MIER3: variants seen among roughly 807,000 people sequenced by gnomAD.
MIER3 encodes MIER family member 3.
Under a neutral mutation model 63.2 loss-of-function variants are expected in MIER3, and 9 were observed. That is an observed-to-expected ratio of 0.14 (90% CI 0.09 to 0.25). The LOEUF (loss-of-function observed/expected upper bound fraction) is 0.25. Ranked by LOEUF, MIER3 falls within the 10% of genes least tolerant of loss-of-function variation. The pLI is 1.00. For synonymous variants in MIER3, 205 were observed against 224.9 expected, an observed-to-expected ratio of 0.91 and a Z score of 0.79; for missense variants, 512 against 666.2, an observed-to-expected ratio of 0.77 and a Z score of 2.55.
At chr5:56,936,503 C>T (rs1341949750) in intron 5 of MIER3, among the ~76,000 whole-genome samples, 2 of 151,912 alleles carry the variant, frequency 1.3e-5, no homozygotes, top group East Asian at 1.9e-4. Context: ...TTATTTTAGT[C>T]CAAACATTTT....
rs754099837 is a variant in MIER3 at position 56,923,274 on chromosome 5, C to T, written c.1507G>A (p.Val503Met). The T allele has an allele frequency of 3.7e-6, 6 of 1,614,144 alleles. No homozygotes were observed. In the South Asian group the frequency reaches 5.5e-5, roughly 15 times the overall value. The change falls in exon 13 of 13, where the codon GTG (valine) becomes ATG (methionine). Residue 503 changes from valine (V) to methionine (M), a missense_variant. Physicochemically the swap from Val to Met is conservative, Grantham distance 21 (BLOSUM62 1). Coordinates refer to ENST00000381199, the MANE Select transcript of MIER3 (RefSeq NM_001297599.2). Reference sequence around the variant, plus strand: ...TGATGTGTGTGATTTTCAAAGTCCACACCCAGGTTATTTACAGAAACTTCA... The same window carrying T: ...TGATGTGTGTGATTTTCAAAGTCCATACCCAGGTTATTTACAGAAACTTCA... ...MNEVSVNNLG[V>M]DFENHTHHIT...
At chr5:56,931,642 G>A (rs2112102646) in intron 8 of MIER3, among the ~76,000 whole-genome samples, 1 of 152,192 alleles carries the variant, frequency 6.6e-6, no homozygotes, top group South Asian at 2.1e-4. Flanking sequence ...GTAGAACCAA[G>A]GATCAGTATT....
chr5:56,940,711 A>T lies in MIER3; in HGVS notation c.181-1694T>A, dbSNP rs576559306. ...ATGGAATCAGCATAAATTGAATTGG[A>T]TGGTCAGAACAGGGTGAAGTTCACC... On this transcript the variant is annotated intron_variant, in intron 3 of 12. Transcript: ENST00000381199. Among the ~76,000 whole-genome samples, 6 of 152,342 alleles carry T rather than the reference A, an allele frequency of 3.9e-5. No homozygotes were observed. The East Asian group carries it at 1.2e-3, about 29-fold the overall frequency.
intron 5 of MIER3, among the ~76,000 whole-genome samples, chr5:56,937,278 T>C (rs763652261): frequency 4.6e-5 from 7 of 152,110 alleles, no homozygotes; most frequent in Admixed American, 2.6e-4. Context: ...GGTTTCACCA[T>C]GTTGGCTAGG....
rs1259617724 is a variant in MIER3 at position 56,928,991 on chromosome 5, T to A, written c.830-130A>T. ...CTCTCACACACACACACTCTCTCTC[T>A]CACACACACACACACTCTCTCTCTC... On this transcript the variant is annotated intron_variant, in intron 9 of 12. Coordinates refer to ENST00000381199, the MANE Select transcript of MIER3 (RefSeq NM_001297599.2). 3.0e-3 allele frequency: 1,357 copies of A among 457,774 alleles called. 32 individuals are homozygous for A. Among genetic ancestry groups the A allele is most frequent in the Admixed American group, 0.028 (830 of 29,126 alleles). 28.4% of individuals were successfully genotyped at this position (457,774 alleles called of 1,614,324 possible). A position where few individuals can be genotyped will look rare whatever the true frequency, so the allele number is the denominator to read the frequency against.
intron 3 of MIER3, among the ~76,000 whole-genome samples, chr5:56,944,681 G>C (rs1348124572): frequency 2.0e-5 from 3 of 152,090 alleles, no homozygotes; most frequent in Non-Finnish European, 4.4e-5. Context: ...CATATAATTT[G>C]TTTAAATGTC....
chr5:56,926,717 T>C (rs563261775), intron 10 of MIER3, among the ~76,000 whole-genome samples: 4 of 152,268 alleles, frequency 2.6e-5, no homozygotes, highest in Non-Finnish European at 5.9e-5. Context: ...CCTTACTCCT[T>C]CGTATTTGGA....
intron 5 of MIER3, among the ~76,000 whole-genome samples, chr5:56,936,415 A>G (rs373128621): frequency 1.3e-5 from 2 of 152,130 alleles, no homozygotes; most frequent in Admixed American, 1.3e-4. Flanking sequence ...GAATGCATGG[A>G]TATTTGAACT....
rs1335837268 is a variant in MIER3, at chr5:56,923,532, C to T, written c.1249G>A (p.Asp417Asn). Residue 417 changes from aspartate to asparagine, a missense_variant, in exon 13 of 13, where the codon GAT becomes AAT. Around this residue, in one of 5 missense-constraint regions of MIER3, gnomAD observed 218 missense variants for 251.2 expected, o/e 0.87. Transcript: ENST00000381199. ...TTGCCCAGTGGAGGAAAGCTATCAT[C>T]CAAACAATTCACATCTGTGGGGTCG... is the stretch of plus-strand genomic sequence containing the variant. ...VCDPTDVNCL[D>N]DSFPPLGNTP... 1.2e-6 allele frequency: 2 copies of T among 1,614,122 alleles called. No homozygotes were observed. Among genetic ancestry groups the T allele is most frequent in the Non-Finnish European group, 1.7e-6 (2 of 1,180,006 alleles).
At chr5:56,927,373 T>TA (rs1750043986) in intron 10 of MIER3, among the ~76,000 whole-genome samples, 1 of 152,146 alleles carries the variant, frequency 6.6e-6, no homozygotes, top group African/African-American at 2.4e-5. Flanking sequence ...ACTTTCTGGT[T>TA]AACTTTGCTG....
At chr5:56,938,850 C>T in intron 4 of MIER3, 33 bp downstream of exon 4, 1 of 1,602,628 alleles carries the variant, frequency 6.2e-7, no homozygotes. Flanking sequence ...TGGTAACAGA[C>T]CCTGAATTTT....
Position 56,923,423 on chromosome 5 carries a change from A to T in MIER3, c.1358T>A (p.Phe453Tyr). The T allele has an allele frequency of 6.2e-7, 1 of 1,614,180 alleles. No homozygotes were observed. ...TLPSNGESDC[F>Y]NLFETGFYHS... ...ATAAAATCCAGTCTCAAATAAATTA[A>T]AACAATCACTTTCCCCATTGCTGGG... The change falls in exon 13 of 13, where the codon TTT becomes TAT. Residue 453 changes from phenylalanine (F) to tyrosine (Y), a missense_variant. Transcript: ENST00000381199.
At position 56,946,964 on chromosome 5, in the gene MIER3, C is replaced by G; in HGVS notation, c.142G>C (p.Gly48Arg). The change falls in exon 3 of 13, where the codon GGT becomes CGT. Residue 48 changes from glycine (G) to arginine (R), a missense_variant. Physicochemically the swap from Gly to Arg is moderately radical, Grantham distance 125. Transcript: ENST00000381199. Reference sequence around the variant, plus strand: ...TCAATTTCTGAACTGAAGTTTTTACCCTCATCCATCATTTCCTCTTCTTCA... The same window carrying G: ...TCAATTTCTGAACTGAAGTTTTTACGCTCATCCATCATTTCCTCTTCTTCA... ...TLEEEEMMDE[G>R]KNFSSEIEDL... 1.2e-6 allele frequency: 2 copies of G among 1,602,070 alleles called. No individual in the cohort carries two copies. Among genetic ancestry groups the G allele is most frequent in the African/African-American group, 1.3e-5 (1 of 74,144 alleles).
At chr5:56,936,046 C>A (rs936788524) in intron 5 of MIER3, among the ~76,000 whole-genome samples, 2 of 151,912 alleles carry the variant, frequency 1.3e-5, no homozygotes, top group Non-Finnish European at 2.9e-5. Context: ...GGCCGACAGG[C>A]TCTACTAAAA....
intron 8 of MIER3, among the ~76,000 whole-genome samples, chr5:56,931,379 T>C (rs1750260774): frequency 6.6e-6 from 1 of 152,144 alleles, no homozygotes. Flanking sequence ...GGTTCAATAT[T>C]AGGAAAACTT....
At chr5:56,941,156 T>A (rs1256895785) in intron 3 of MIER3, 1 of 985,102 alleles carries the variant, frequency 1.0e-6, no homozygotes. Flanking sequence ...TTAGTGGGAG[T>A]AAGTCTCAAA....
At chr5:56,935,572 T>C in intron 6 of MIER3, 72 bp from the exon 7 acceptor site, 1 of 1,502,616 alleles carries the variant, frequency 6.7e-7, no homozygotes, top group Non-Finnish European at 9.1e-7. Flanking sequence ...ATATCATTAA[T>C]CAGTTTCTAC....
chr5:56,932,388 G>A (rs1030774841), intron 8 of MIER3, among the ~76,000 whole-genome samples: 2 of 152,164 alleles, frequency 1.3e-5, no homozygotes, highest in African/African-American at 2.4e-5. Flanking sequence ...AAACATTTGA[G>A]TTTCTAATGT....
chr5:56,947,074 G>A lies in MIER3; in HGVS notation c.35-3C>T, dbSNP rs758684553. 2 of 1,599,082 alleles carry A rather than the reference G, an allele frequency of 1.3e-6. No individual in the cohort carries two copies. The highest frequency in any genetic ancestry group is 1.7e-6 in the Non-Finnish European group (2 of 1,175,478). On this transcript the variant is annotated splice_polypyrimidine_tract_variant and splice_region_variant and intron_variant, in intron 2 of 12. Transcript: ENST00000381199. ...ATCCTCAGAAGACAAAGACCCAACT[G>A]GAATAAAACAAACTGAATCACTTTA...
Sources: gnomAD v4.1 joint callset for allele counts (sites outside exome capture counted in the v4.1 genomes callset) on GRCh38, gnomAD v4.1.1 for gene constraint, gnomAD v4.1.1 regional missense constraint, MANE v1.5 for transcripts, NCBI Gene and HGNC (gene_info 2026-07-23, HGNC 2026-07-21) for gene names.